The following ARHGAP24 variants were observed in gnomAD, a reference collection of about 807,000 sequenced individuals.
The protein encoded by ARHGAP24 is rho GTPase-activating protein 24.
ARHGAP24 carries 50 observed loss-of-function variants against 76.4 expected under a neutral mutation model. That is an observed-to-expected ratio of 0.65 (90% CI 0.52 to 0.83). The LOEUF (loss-of-function observed/expected upper bound fraction) is 0.83, where lower values mean the gene tolerates loss of function less well. ARHGAP24 is among the 40% of genes least tolerant of loss of function. The pLI is 0.00. For synonymous variants in ARHGAP24, 345 were observed against 323.3 expected, an observed-to-expected ratio of 1.07 and a Z score of -0.72; for missense variants, 930 against 914.2, an observed-to-expected ratio of 1.02 and a Z score of -0.22.
At chr4:85,648,951 A>AGTAT (rs1314725482) in intron 2 of ARHGAP24, among the ~76,000 whole-genome samples, 1 of 151,934 alleles carries the variant, frequency 6.6e-6, no homozygotes, top group Non-Finnish European at 1.5e-5. Context: ...TCTGAAAAGG[A>AGTAT]GTATAGAACT....
intron 1 of ARHGAP24, among the ~76,000 whole-genome samples, chr4:85,566,096 T>C (rs1726834667): frequency 6.6e-6 from 1 of 152,352 alleles, no homozygotes; most frequent in East Asian, 1.9e-4. Flanking sequence ...TGTCTTAAGA[T>C]TGATACAAAG....
At chr4:85,615,093 A>G (rs1461413625) in intron 2 of ARHGAP24, among the ~76,000 whole-genome samples, 1 of 152,054 alleles carries the variant, frequency 6.6e-6, no homozygotes, top group Admixed American at 6.5e-5. Context: ...CTTCAATTTC[A>G]TTTTAAAAGG....
intron 2 of ARHGAP24, among the ~76,000 whole-genome samples, chr4:85,704,994 T>A (rs1346752778): frequency 1.3e-5 from 2 of 150,752 alleles, no homozygotes; most frequent in African/African-American, 4.9e-5. Flanking sequence ...GAGTTTCCTT[T>A]AGATTTTGTT....
chr4:85,818,418 CCACT>C (rs1234174682), intron 3 of ARHGAP24, among the ~76,000 whole-genome samples: 2 of 152,136 alleles, frequency 1.3e-5, no homozygotes, highest in Non-Finnish European at 2.9e-5. Context: ...ATAATTATAC[CCACT>C]AAGTCATCAG....
At chr4:85,836,677 C>T (rs1208404172) in intron 3 of ARHGAP24, among the ~76,000 whole-genome samples, 1 of 152,194 alleles carries the variant, frequency 6.6e-6, no homozygotes, top group East Asian at 1.9e-4. Context: ...GAACATAATT[C>T]AACCCCTAGC....
At chr4:85,774,729 C>G (rs189707418) in intron 3 of ARHGAP24, among the ~76,000 whole-genome samples, 283 of 152,300 alleles carry the variant, frequency 1.9e-3, no homozygotes, top group Middle Eastern at 6.8e-3. Flanking sequence ...GGGCTCTTTC[C>G]TCATTTCCTG....
At chr4:85,813,315 A>G (rs1442021697) in intron 3 of ARHGAP24, among the ~76,000 whole-genome samples, 1 of 152,224 alleles carries the variant, frequency 6.6e-6, no homozygotes, top group Non-Finnish European at 1.5e-5. Context: ...GATTATCTAA[A>G]CCAATGGAGC....
chr4:85,518,514 C>A (rs1180657307), intron 1 of ARHGAP24, among the ~76,000 whole-genome samples: 2 of 152,006 alleles, frequency 1.3e-5, no homozygotes, highest in Non-Finnish European at 2.9e-5. Flanking sequence ...ATGCCCCACC[C>A]GCCTCCCATT....
intron 3 of ARHGAP24, among the ~76,000 whole-genome samples, chr4:85,837,314 C>T (rs1225109207): frequency 2.0e-5 from 3 of 152,138 alleles, no homozygotes; most frequent in Non-Finnish European, 2.9e-5. Context: ...GAAATAAGGC[C>T]TGTCAAGGGA....
At chr4:85,800,633 T>C (rs973276546) in intron 3 of ARHGAP24, among the ~76,000 whole-genome samples, 1 of 152,160 alleles carries the variant, frequency 6.6e-6, no homozygotes, top group African/African-American at 2.4e-5. Flanking sequence ...AAGAAACTTC[T>C]GAATAAAACT....
intron 3 of ARHGAP24, among the ~76,000 whole-genome samples, chr4:85,856,998 TA>T (rs906880231): frequency 1.4e-4 from 22 of 152,314 alleles, no homozygotes; most frequent in Non-Finnish European, 2.4e-4. Context: ...ATGTATTTAT[TA>T]TTTCCTCATT....
At chr4:85,738,956 G>A (rs993228584) in intron 3 of ARHGAP24, among the ~76,000 whole-genome samples, 54 of 152,282 alleles carry the variant, frequency 3.5e-4, no homozygotes, top group African/African-American at 1.1e-3. Flanking sequence ...TAATTCTCTT[G>A]TCTGCCGCCT....
intron 1 of ARHGAP24, among the ~76,000 whole-genome samples, chr4:85,520,308 C>T (rs1411083971): frequency 6.6e-6 from 1 of 152,086 alleles, no homozygotes; most frequent in Non-Finnish European, 1.5e-5. Context: ...ATGAGAGACA[C>T]TGATGGGCAT....
Position 85,997,326 on chromosome 4 carries a change from T to TAGATGATA in ARHGAP24, c.2003+1669_2003+1670insAGATGATA, listed in dbSNP as rs138848422. Among the ~76,000 whole-genome samples, 5 of 142,408 alleles carry TAGATGATA rather than the reference T, an allele frequency of 3.5e-5. No homozygotes were observed. In the South Asian group the frequency reaches 8.5e-4, roughly 24 times the overall value. The allele number at this position is 142,408 out of a possible 152,430, so 93.4% of individuals were successfully genotyped here. ...GGTAGATGATAGATAGATAGATAGA[T>TAGATGATA]GATAGATAGATAGATAGAGAGATAG... On this transcript the variant is annotated intron_variant, in intron 9 of 9. Coordinates refer to ENST00000395184, the MANE Select transcript of ARHGAP24 (RefSeq NM_001025616.3).
intron 3 of ARHGAP24, among the ~76,000 whole-genome samples, chr4:85,801,175 C>G (rs1393569365): frequency 6.6e-6 from 1 of 152,032 alleles, no homozygotes; most frequent in Admixed American, 6.6e-5. Flanking sequence ...TTAAAAATAA[C>G]AGTATAATTA....
At chr4:85,840,429 C>T (rs976401288) in intron 3 of ARHGAP24, among the ~76,000 whole-genome samples, 5 of 152,186 alleles carry the variant, frequency 3.3e-5, no homozygotes, top group African/African-American at 7.2e-5. Flanking sequence ...GTGCACACTG[C>T]GCCCAGGAGC....
intron 2 of ARHGAP24, among the ~76,000 whole-genome samples, chr4:85,667,337 T>A (rs1722667165): frequency 6.6e-6 from 1 of 152,190 alleles, no homozygotes; most frequent in Non-Finnish European, 1.5e-5. Context: ...GCGCCATTTT[T>A]TAAGCCCGTC....
At chr4:85,585,925 C>T (rs1727839218) in intron 2 of ARHGAP24, among the ~76,000 whole-genome samples, 1 of 152,170 alleles carries the variant, frequency 6.6e-6, no homozygotes, top group African/African-American at 2.4e-5. Flanking sequence ...GTATAAAATA[C>T]TTGGTCCAGA....
At chr4:85,652,157 T>A (rs1052909802) in intron 2 of ARHGAP24, among the ~76,000 whole-genome samples, 2 of 152,184 alleles carry the variant, frequency 1.3e-5, no homozygotes, top group African/African-American at 4.8e-5. Flanking sequence ...ATTTTTAAAG[T>A]TCTCTACATT....
Sources: allele counts gnomAD v4.1 joint callset (sites outside exome capture counted in the v4.1 genomes callset), GRCh38; gene constraint gnomAD v4.1.1; transcripts MANE v1.5; gene names NCBI Gene and HGNC (gene_info 2026-07-23, HGNC 2026-07-21).